The following SLC4A10 variants were observed in gnomAD, a reference collection of about 807,000 sequenced individuals.
SLC4A10 encodes the protein solute carrier family 4 member 10.
SLC4A10 carries 42 observed loss-of-function variants against 137.7 expected under a neutral mutation model. The observed-to-expected ratio is 0.30, with a 90% confidence interval of 0.24 to 0.39. SLC4A10 has a LOEUF of 0.39. SLC4A10 is among the 10% of genes least tolerant of loss of function. The pLI is 1.00. For missense variants in SLC4A10, 925 were observed against 1,355.0 expected, an observed-to-expected ratio of 0.68 and a Z score of 4.98; for synonymous variants, 474 against 464.1, an observed-to-expected ratio of 1.02 and a Z score of -0.27.
intron 1 of SLC4A10, among the ~76,000 whole-genome samples, chr2:161,733,309 C>A (rs1017638173): frequency 6.6e-6 from 1 of 152,178 alleles, no homozygotes; most frequent in Non-Finnish European, 1.5e-5. Flanking sequence ...GGACTTCATG[C>A]CCTGCGTTCC....
chr2:161,725,217 CTAATA>C (rs1282377122), intron 1 of SLC4A10, among the ~76,000 whole-genome samples: 4 of 152,122 alleles, frequency 2.6e-5, no homozygotes, highest in Non-Finnish European at 5.9e-5. Context: ...TTACATTTAA[CTAATA>C]TATTACCTTT....
chr2:161,969,005 C>T (rs1313068252), intron 23 of SLC4A10, among the ~76,000 whole-genome samples: 9 of 152,174 alleles, frequency 5.9e-5, no homozygotes, highest in Admixed American at 5.2e-4. Flanking sequence ...CGGACAAGTT[C>T]TCCAGAAATG....
chr2:161,872,961 G>A (rs1170856991), intron 7 of SLC4A10, among the ~76,000 whole-genome samples: 2 of 152,118 alleles, frequency 1.3e-5, no homozygotes, highest in East Asian at 1.9e-4. Flanking sequence ...TGATCCGTCC[G>A]CCTCAGCCTC....
chr2:161,908,765 TC>T (rs1316155834), intron 15 of SLC4A10, among the ~76,000 whole-genome samples: 1 of 151,110 alleles, frequency 6.6e-6, no homozygotes, highest in Non-Finnish European at 1.5e-5. Context: ...GGCAATGAAA[TC>T]GTAAGATTGA....
chr2:161,975,858 A>G (rs1699308251), intron 24 of SLC4A10, among the ~76,000 whole-genome samples: 1 of 152,192 alleles, frequency 6.6e-6, no homozygotes, highest in Non-Finnish European at 1.5e-5. Flanking sequence ...TCAGGAGGCT[A>G]CTGAAATGGG....
chr2:161,719,246 T>A (rs2045332133), intron 1 of SLC4A10, among the ~76,000 whole-genome samples: 3 of 152,202 alleles, frequency 2.0e-5, no homozygotes, highest in African/African-American at 7.2e-5. Context: ...TCATTTTTTA[T>A]GGCTGCATAG....
At chr2:161,800,454 G>A (rs182294015) in intron 2 of SLC4A10, among the ~76,000 whole-genome samples, 1 of 152,028 alleles carries the variant, frequency 6.6e-6, no homozygotes, top group African/African-American at 2.4e-5. Context: ...TACATCAGTC[G>A]ACAAATCAAA....
intron 1 of SLC4A10, among the ~76,000 whole-genome samples, chr2:161,730,493 C>T (rs550482368): frequency 1.3e-5 from 2 of 152,268 alleles, no homozygotes; most frequent in South Asian, 4.2e-4. Context: ...CAACCATCAT[C>T]ATTATCTTCT....
At chr2:161,740,889 T>C (rs2047810692) in intron 1 of SLC4A10, among the ~76,000 whole-genome samples, 1 of 152,224 alleles carries the variant, frequency 6.6e-6, no homozygotes, top group African/African-American at 2.4e-5. Context: ...TAAGATGTTT[T>C]AATATACATA....
chr2:161,754,434 G>A (rs911309028), intron 1 of SLC4A10, among the ~76,000 whole-genome samples: 1 of 152,138 alleles, frequency 6.6e-6, no homozygotes, highest in South Asian at 2.1e-4. Context: ...AAAGGACTTT[G>A]GAAAAAACAC....
chr2:161,962,739 G>A (rs1223322523), intron 21 of SLC4A10, among the ~76,000 whole-genome samples: 1 of 152,100 alleles, frequency 6.6e-6, no homozygotes, highest in Non-Finnish European at 1.5e-5. Flanking sequence ...AGGAAAGGAA[G>A]GCCATGTCAT....
chr2:161,815,816 T>C (rs2057002627), intron 3 of SLC4A10, among the ~76,000 whole-genome samples: 1 of 152,160 alleles, frequency 6.6e-6, no homozygotes, highest in African/African-American at 2.4e-5. Flanking sequence ...TTGGTGAAAC[T>C]TGGAAATAAG....
At chr2:161,702,779 T>C (rs1350668070) in intron 1 of SLC4A10, among the ~76,000 whole-genome samples, 2 of 151,792 alleles carry the variant, frequency 1.3e-5, no homozygotes, top group Admixed American at 6.6e-5. Context: ...ATTCAAAGAG[T>C]TGTTTTGCCT....
At position 161,788,387 on chromosome 2, in the gene SLC4A10, G is replaced by C. The variant is rs114241314; in HGVS notation, c.131-16062G>C. Among the ~76,000 whole-genome samples the C allele has an allele frequency of 3.9e-3, 596 of 152,014 alleles. 4 individuals carry two copies. The highest frequency in any genetic ancestry group is 0.014 in the African/African-American group (569 of 41,450). On this transcript the variant is annotated intron_variant, in intron 2 of 26. Transcript: ENST00000446997. The stretch of plus-strand genomic sequence containing the variant: ...TTCAGTCTTCAGTCAAGTAGGAGGT[G>C]CTTAAGAGTAAGAATCCACTCACCC...
At chr2:161,705,919 A>T (rs944489271) in intron 1 of SLC4A10, among the ~76,000 whole-genome samples, 1 of 151,522 alleles carries the variant, frequency 6.6e-6, no homozygotes, top group Non-Finnish European at 1.5e-5. Context: ...TAAAGTCTAG[A>T]GGCATTCTGC....
At chr2:161,691,320 G>T (rs948954807) in intron 1 of SLC4A10, among the ~76,000 whole-genome samples, 24 of 149,402 alleles carry the variant, frequency 1.6e-4, no homozygotes, top group Non-Finnish European at 3.0e-4. Context: ...GGCTGGGAAG[G>T]GTAGGTGGGG....
At chr2:161,847,740 GT>G (rs1559380839) in intron 4 of SLC4A10, among the ~76,000 whole-genome samples, 1 of 152,178 alleles carries the variant, frequency 6.6e-6, no homozygotes, top group Non-Finnish European at 1.5e-5. Flanking sequence ...ATTGCATGGT[GT>G]ATATGTACTA....
At chr2:161,632,642 C>A (rs2033767536) in intron 1 of SLC4A10, among the ~76,000 whole-genome samples, 1 of 151,312 alleles carries the variant, frequency 6.6e-6, no homozygotes, top group Non-Finnish European at 1.5e-5. Flanking sequence ...GAAAACCTTA[C>A]TCTTGAGGAC....
At chr2:161,923,142 G>T (rs563642668) in intron 15 of SLC4A10, among the ~76,000 whole-genome samples, 2 of 152,258 alleles carry the variant, frequency 1.3e-5, no homozygotes, top group African/African-American at 4.8e-5. Flanking sequence ...CTGGATGAGG[G>T]CATTTAATTA....
Sources: allele counts gnomAD v4.1 joint callset (sites outside exome capture counted in the v4.1 genomes callset), GRCh38; gene constraint gnomAD v4.1.1; transcripts MANE v1.5; gene names NCBI Gene and HGNC (gene_info 2026-07-23, HGNC 2026-07-21).